The following RARB variants were observed in gnomAD, a reference collection of about 807,000 sequenced individuals.
The protein encoded by RARB is HBV-activated protein.
In RARB, 17 loss-of-function variants were observed where a neutral mutation model predicts 51.9. The observed-to-expected ratio is 0.33, with a 90% CI of 0.22 to 0.49. The LOEUF (loss-of-function observed/expected upper bound fraction) is 0.49, where lower values mean the gene tolerates loss of function less well. Among genes scored for constraint, RARB ranks in the 20% least tolerant of loss-of-function variants. The pLI is 0.99. For synonymous variants in RARB, 215 were observed against 195.4 expected (o/e 1.10, Z -0.84); for missense variants, 369 against 550.8 (o/e 0.67, Z 3.30).
intron 5 of RARB, among the ~76,000 whole-genome samples, chr3:25,245,010 T>G (rs1412783703): frequency 1.3e-5 from 2 of 152,232 alleles, no homozygotes; most frequent in African/African-American, 4.8e-5. Flanking sequence ...GCATATATAT[T>G]TAGAATAGTT....
At chr3:24,879,211 C>G (rs375404648) in intron 2 of RARB, among the ~76,000 whole-genome samples, 4 of 151,040 alleles carry the variant, frequency 2.6e-5, no homozygotes, top group East Asian at 4.0e-4. Flanking sequence ...CGGCGGATCA[C>G]GAGGTCAGGA....
At chr3:25,345,313 T>C (rs1705355596) in intron 5 of RARB, among the ~76,000 whole-genome samples, 1 of 152,172 alleles carries the variant, frequency 6.6e-6, no homozygotes, top group South Asian at 2.1e-4. Context: ...AGCACTTTAT[T>C]TTTCCTTTTC....
rs923468820 is a variant in RARB at position 24,981,614 on chromosome 3, G to C, written c.-379-78511G>C. 2.0e-5 allele frequency among the ~76,000 whole-genome samples: 3 copies of C among 152,126 alleles called. No individual in the cohort carries two copies. In the East Asian group the frequency reaches 5.8e-4, roughly 30 times the overall value. ...GCCAGGCACAGGAGGGAATCTCGTG[G>C]TCTGCTGGTTGTGAAGACCATGGGA... On this transcript the variant is annotated intron_variant, in intron 2 of 11. Coordinates refer to the RARB transcript ENST00000383772.
At chr3:25,078,294 T>C (rs1002239841) in intron 3 of RARB, among the ~76,000 whole-genome samples, 4 of 152,192 alleles carry the variant, frequency 2.6e-5, no homozygotes, top group African/African-American at 9.6e-5. Flanking sequence ...CTCTAACTTT[T>C]GTGTGGTATA....
chr3:25,216,184 T>C (rs1029940037), intron 5 of RARB, among the ~76,000 whole-genome samples: 3 of 152,176 alleles, frequency 2.0e-5, no homozygotes, highest in Admixed American at 6.5e-5. Context: ...AGACAGCCAA[T>C]GGGCCCCCTG....
At chr3:25,206,726 AG>A (rs1453319985) in intron 5 of RARB, among the ~76,000 whole-genome samples, 2 of 152,220 alleles carry the variant, frequency 1.3e-5, no homozygotes, top group African/African-American at 4.8e-5. Flanking sequence ...AAAATGTGGT[AG>A]GGTGAGTACT....
chr3:25,278,966 A>C (rs561252822), intron 5 of RARB, among the ~76,000 whole-genome samples: 4 of 152,282 alleles, frequency 2.6e-5, no homozygotes, highest in South Asian at 4.1e-4. Context: ...TTAGCATTTA[A>C]ACCCTAAAAG....
chr3:25,193,533 C>T (rs1701153967), intron 5 of RARB, among the ~76,000 whole-genome samples: 1 of 151,960 alleles, frequency 6.6e-6, no homozygotes, highest in Non-Finnish European at 1.5e-5. Context: ...ACTGTAATTG[C>T]TTGTCAGCAT....
chr3:25,388,914 A>G (rs1374370440), intron 5 of RARB, among the ~76,000 whole-genome samples: 2 of 152,140 alleles, frequency 1.3e-5, no homozygotes, highest in African/African-American at 4.8e-5. Flanking sequence ...GTAAGAGGAG[A>G]GAGATTTATG....
At chr3:24,883,347 C>A (rs1309001762) in intron 2 of RARB, among the ~76,000 whole-genome samples, 1 of 122,720 alleles carries the variant, frequency 8.1e-6, no homozygotes, top group Admixed American at 8.7e-5. Flanking sequence ...GCCAGACTTT[C>A]AACAATCATT....
At chr3:25,310,683 C>A (rs1704267144) in intron 5 of RARB, among the ~76,000 whole-genome samples, 1 of 152,144 alleles carries the variant, frequency 6.6e-6, no homozygotes, top group Admixed American at 6.5e-5. Context: ...GGCTGACAAC[C>A]CTCCTTGTCT....
chr3:25,002,779 T>A (rs1334854467), intron 2 of RARB, among the ~76,000 whole-genome samples: 2 of 151,876 alleles, frequency 1.3e-5, no homozygotes, highest in East Asian at 3.9e-4. Flanking sequence ...TATATATGAA[T>A]TTGGACAAAT....
intron 2 of RARB, among the ~76,000 whole-genome samples, chr3:24,935,374 A>G (rs57031085): frequency 0.035 from 5,278 of 152,190 alleles, 237 homozygotes; most frequent in African/African-American, 0.099. Flanking sequence ...AAACCCACAC[A>G]CACCCACACT....
intron 5 of RARB, among the ~76,000 whole-genome samples, chr3:25,282,227 A>G (rs1283164587): frequency 3.3e-5 from 5 of 152,102 alleles, no homozygotes; most frequent in Non-Finnish European, 7.4e-5. Context: ...CCTTGCTTCA[A>G]CCTCACTGGA....
At chr3:25,175,730 A>G (rs970273055) in intron 5 of RARB, among the ~76,000 whole-genome samples, 2 of 152,200 alleles carry the variant, frequency 1.3e-5, no homozygotes, top group East Asian at 1.9e-4. Context: ...TTCCTGATAA[A>G]CAGTGACTCG....
chr3:25,128,693 C>T (rs745991268), intron 3 of RARB, among the ~76,000 whole-genome samples: 40 of 151,624 alleles, frequency 2.6e-4, no homozygotes, highest in Admixed American at 2.6e-3. Flanking sequence ...TGTAGTTATA[C>T]AAGGAGGCAT....
At chr3:25,444,879 T>C (rs756009025) in intron 1 of RARB, among the ~76,000 whole-genome samples, 1 of 152,184 alleles carries the variant, frequency 6.6e-6, no homozygotes, top group African/African-American at 2.4e-5. Flanking sequence ...GTGAGGTGTA[T>C]TGAGCAGACC....
At chr3:25,187,002 G>A (rs1013246268) in intron 5 of RARB, among the ~76,000 whole-genome samples, 3 of 150,260 alleles carry the variant, frequency 2.0e-5, no homozygotes, top group East Asian at 4.0e-4. Context: ...AACAAAGGAA[G>A]TAGGATTTAA....
At chr3:24,899,571 A>G (rs924177594) in intron 2 of RARB, among the ~76,000 whole-genome samples, 3 of 152,190 alleles carry the variant, frequency 2.0e-5, no homozygotes, top group Non-Finnish European at 2.9e-5. Context: ...ATTAGGACCC[A>G]GAGGAGTTTC....
Sources: allele counts gnomAD v4.1 joint callset (sites outside exome capture counted in the v4.1 genomes callset), GRCh38; gene constraint gnomAD v4.1.1; transcripts MANE v1.5; gene names NCBI Gene and HGNC (gene_info 2026-07-23, HGNC 2026-07-21).